The following ADGRA3 variants were observed in gnomAD, a reference collection of about 807,000 sequenced individuals.
ADGRA3 encodes adhesion G protein-coupled receptor A3.
ADGRA3 carries 56 observed loss-of-function variants against 119.8 expected under a neutral mutation model. The observed-to-expected ratio is 0.47, with a 90% CI of 0.38 to 0.58. The LOEUF is 0.58. ADGRA3 is among the 20% of genes least tolerant of loss of function. The pLI is 0.00. For missense variants in ADGRA3, 1,516 were observed against 1,649.0 expected, an observed-to-expected ratio of 0.92 and a Z score of 1.40; for synonymous variants, 607 against 623.8, an observed-to-expected ratio of 0.97 and a Z score of 0.40.
intron 7 of ADGRA3, among the ~76,000 whole-genome samples, chr4:22,440,070 A>G (rs1463626094): frequency 6.6e-6 from 1 of 152,220 alleles, no homozygotes; most frequent in East Asian, 1.9e-4. Context: ...TCAGATTCGG[A>G]TCAGACAATG....
At chr4:22,421,265 A>C (rs1203129416) in intron 11 of ADGRA3, among the ~76,000 whole-genome samples, 176 bp from the exon 12 acceptor site, 1 of 152,054 alleles carries the variant, frequency 6.6e-6, no homozygotes, top group Non-Finnish European at 1.5e-5. Flanking sequence ...AAAGAAAGAC[A>C]GACCCTGGAA....
intron 14 of ADGRA3, among the ~76,000 whole-genome samples, chr4:22,406,782 G>C (rs1188004826): frequency 6.6e-6 from 1 of 152,008 alleles, no homozygotes; most frequent in South Asian, 2.1e-4. Flanking sequence ...AGTATAAAGG[G>C]CCAGATAGTA....
In ADGRA3 at chr4:22,413,656, C is replaced by A. The variant is rs1255105519; in HGVS notation, c.1968G>T (p.Leu656Phe). The change falls in exon 13 of 19, where the codon TTG becomes TTT. Residue 656 changes from leucine to phenylalanine, a missense_variant. Leu to Phe is a conservative substitution (Grantham distance 22). Around this residue, in one of 2 missense-constraint regions of ADGRA3, gnomAD observed 1,088 missense variants for 1,107.1 expected, o/e 0.98. Coordinates refer to ENST00000334304, the MANE Select transcript of ADGRA3 (RefSeq NM_145290.4). Reference protein sequence around the residue: ...LFPATGNSTNLADDGKRRTVV... With the variant: ...LFPATGNSTNFADDGKRRTVV... ...CAGTACGTCGTTTTCCATCATCAGC[C>A]AAATTTGTTGAATTTCCAGTGGCTG... The A allele has an allele frequency of 6.8e-6, 11 of 1,613,796 alleles. No homozygotes were observed. The highest frequency in any genetic ancestry group is 9.3e-6 in the Non-Finnish European group (11 of 1,179,932).
rs922037827 is a variant in ADGRA3 at position 22,401,363 on chromosome 4, T to G, written c.2481+68A>C. The G allele has an allele frequency of 2.0e-5, 28 of 1,398,782 alleles. No individual in the cohort carries two copies. The African/African-American group carries it at 3.9e-4, about 20-fold the overall frequency. The allele number at this position is 1,398,782 out of a possible 1,614,324, so 86.6% of individuals were successfully genotyped here. A position where few individuals can be genotyped will look rare whatever the true frequency, so the allele number is the denominator to read the frequency against. On this transcript the variant is annotated intron_variant, in intron 16 of 18. Transcript: ENST00000334304. ...GGTATTAAAGAATGATTTTTTCTTT[T>G]TATAGTTAATGAAATTATCTTCTAA...
intron 1 of ADGRA3, among the ~76,000 whole-genome samples, chr4:22,505,759 G>C (rs542017115): frequency 2.6e-5 from 4 of 152,070 alleles, no homozygotes; most frequent in Non-Finnish European, 5.9e-5. Context: ...GAGCTACAGG[G>C]TCACATCTAA....
chr4:22,470,595 T>C (rs1717825333), intron 2 of ADGRA3, among the ~76,000 whole-genome samples: 1 of 152,208 alleles, frequency 6.6e-6, no homozygotes, highest in Admixed American at 6.5e-5. Flanking sequence ...AACCGTCTTT[T>C]ACACCATACC....
chr4:22,418,303 C>T (rs73112108), intron 12 of ADGRA3, among the ~76,000 whole-genome samples: 2,006 of 152,200 alleles, frequency 0.013, 29 homozygotes, highest in African/African-American at 0.043. Context: ...GATTCTCAGG[C>T]TCCCAAATGT....
At chr4:22,430,674 T>C (rs1003901815) in intron 10 of ADGRA3, among the ~76,000 whole-genome samples, 14 of 152,092 alleles carry the variant, frequency 9.2e-5, no homozygotes, top group African/African-American at 3.1e-4. Flanking sequence ...AAAAATCCCA[T>C]TTTCTGTGGA....
In ADGRA3 at chr4:22,516,062, C is replaced by G. The variant is rs1038260200; in HGVS notation, c.-278G>C. On this transcript the variant is annotated 5_prime_UTR_variant, in exon 1 of 19. Transcript: ENST00000334304. ...TCCTCCTCTGCCGCCGCCGCCGCCG[C>G]CACTGCCTCCTCCCCTGGCCAGGAC... The G allele has an allele frequency of 1.9e-5, 3 of 157,646 alleles. No homozygotes were observed. In the Admixed American group the frequency reaches 2.0e-4, roughly 10 times the overall value. 9.8% of individuals were successfully genotyped at this position (157,646 alleles called of 1,614,324 possible).
At chr4:22,416,769 C>G (rs1039693590) in intron 12 of ADGRA3, among the ~76,000 whole-genome samples, 1 of 151,974 alleles carries the variant, frequency 6.6e-6, no homozygotes, top group Non-Finnish European at 1.5e-5. Context: ...TATGAACACA[C>G]AAGAAATGAC....
At chr4:22,506,476 C>G (rs913054310) in intron 1 of ADGRA3, among the ~76,000 whole-genome samples, 5 of 152,124 alleles carry the variant, frequency 3.3e-5, no homozygotes, top group African/African-American at 1.2e-4. Context: ...TCACTTGAGA[C>G]AGGGAGGCAG....
At chr4:22,414,512 T>C (rs1715354845) in intron 12 of ADGRA3, 3 of 637,734 alleles carry the variant, frequency 4.7e-6, no homozygotes, top group Non-Finnish European at 5.6e-6. Flanking sequence ...CAATTAACCA[T>C]CTAAAAACAT....
intron 16 of ADGRA3, chr4:22,394,868 A>G (rs1714286208): frequency 6.6e-6 from 1 of 152,242 alleles, no homozygotes; most frequent in South Asian, 2.1e-4. Context: ...GTATGATGAC[A>G]TCTGCTAACA....
chr4:22,459,009 A>G (rs909152770), intron 3 of ADGRA3, among the ~76,000 whole-genome samples: 10 of 152,196 alleles, frequency 6.6e-5, no homozygotes, highest in Admixed American at 2.0e-4. Flanking sequence ...TAATTTTAAA[A>G]GACAAAGAGA....
rs1717942130 is a variant in ADGRA3, at chr4:22,473,829, T to C, written c.272A>G (p.Asn91Ser). The change falls in exon 2 of 19, where the codon AAT (asparagine) becomes AGT (serine). Residue 91 changes from asparagine to serine, a missense_variant. Transcript: ENST00000334304. ...NRTVTLILSN[N>S]KISELKNGSF... ...GCCATTCTTCAGCTCGGATATCTTATTGTTACTCAGAATCCTAAAAAATAC... is the reference window on the plus strand; with the variant it reads ...GCCATTCTTCAGCTCGGATATCTTACTGTTACTCAGAATCCTAAAAAATAC... The C allele has an allele frequency of 1.2e-6, 2 of 1,604,752 alleles. No homozygotes were observed. Among genetic ancestry groups the C allele is most frequent in the Non-Finnish European group, 1.7e-6 (2 of 1,174,242 alleles).
intron 1 of ADGRA3, among the ~76,000 whole-genome samples, chr4:22,487,429 T>C (rs1718468798): frequency 1.3e-5 from 2 of 152,122 alleles, no homozygotes. Context: ...TGAGAATTCT[T>C]AACGCTCAGC....
intron 1 of ADGRA3, among the ~76,000 whole-genome samples, chr4:22,482,687 T>A (rs959059801): frequency 1.3e-5 from 2 of 151,932 alleles, no homozygotes; most frequent in Non-Finnish European, 2.9e-5. Context: ...ACAAAACCCA[T>A]GATGTAGATA....
At chr4:22,470,829 G>A (rs1002026609) in intron 2 of ADGRA3, among the ~76,000 whole-genome samples, 6 of 152,200 alleles carry the variant, frequency 3.9e-5, no homozygotes, top group African/African-American at 1.4e-4. Flanking sequence ...AACAAGGTGA[G>A]CTGCTGAAGA....
At chr4:22,407,748 A>G (rs541084784) in intron 14 of ADGRA3, among the ~76,000 whole-genome samples, 1 of 152,352 alleles carries the variant, frequency 6.6e-6, no homozygotes, top group East Asian at 1.9e-4. Flanking sequence ...ATTCAAATCA[A>G]TGGAAAAAGT....
Sources: allele counts gnomAD v4.1 joint callset (sites outside exome capture counted in the v4.1 genomes callset), GRCh38; gene constraint gnomAD v4.1.1; regional missense constraint gnomAD v4.1.1; transcripts MANE v1.5; gene names NCBI Gene and HGNC (gene_info 2026-07-23, HGNC 2026-07-21).